Variants in ADCY1 observed in about 807,000 individuals in gnomAD.
The protein encoded by ADCY1 is adenylate cyclase type 1.
ADCY1 carries 28 observed loss-of-function variants against 105.4 expected under a neutral mutation model. The ratio of observed to expected loss-of-function variants is 0.27; its 90% CI spans 0.20 to 0.36. The LOEUF (loss-of-function observed/expected upper bound fraction) is 0.36. Among genes scored for constraint, ADCY1 ranks in the 10% least tolerant of loss-of-function variants. The probability of loss-of-function intolerance (pLI) is 1.00; values close to 1 mark genes in which losing one functional copy is unlikely to be tolerated. For missense variants in ADCY1, 977 were observed against 1,434.2 expected, an observed-to-expected ratio of 0.68 and a Z score of 5.15; for synonymous variants, 655 against 623.8, an observed-to-expected ratio of 1.05 and a Z score of -0.75.
chr7:45,685,319 A>G (rs1784644590), intron 12 of ADCY1, among the ~76,000 whole-genome samples: 1 of 152,238 alleles, frequency 6.6e-6, no homozygotes, highest in Non-Finnish European at 1.5e-5. Context: ...GAAAAACAGG[A>G]CAGACAGGGC....
chr7:45,691,925 T>A lies in ADCY1; in HGVS notation c.2454+5252T>A, dbSNP rs966421184. Reference sequence around the variant, plus strand: ...TGTCTCTCAGGGGGTTGTGGAGGAGTTTATGTCATATAAAGCCGTGGTCAT... The same window carrying A: ...TGTCTCTCAGGGGGTTGTGGAGGAGATTATGTCATATAAAGCCGTGGTCAT... On this transcript the variant is annotated intron_variant, in intron 14 of 19. Coordinates refer to ENST00000297323, the MANE Select transcript of ADCY1 (RefSeq NM_021116.4). Among the ~76,000 whole-genome samples the A allele has an allele frequency of 3.9e-5, 6 of 152,054 alleles. No homozygotes were observed. The South Asian group carries it at 1.3e-3, about 32-fold the overall frequency.
chr7:45,623,099 A>G (rs754167851), intron 4 of ADCY1, among the ~76,000 whole-genome samples: 7 of 152,156 alleles, frequency 4.6e-5, no homozygotes, highest in Non-Finnish European at 7.4e-5. Context: ...TGGTGTTGCA[A>G]TCCCTCGTTC....
chr7:45,678,194 C>G lies in ADCY1; in HGVS notation c.1829C>G (p.Thr610Ser). The change falls in exon 10 of 20, where the codon ACC becomes AGC. Residue 610 changes from threonine (T) to serine (S), a missense_variant. Coordinates refer to ENST00000297323, the MANE Select transcript of ADCY1 (RefSeq NM_021116.4). ...KYHQLQDEYF[T>S]SAVVLTLILA... ...CACCAGCTTCAGGACGAGTATTTCA[C>G]CAGCGCCGTTGTCCTCACCCTCATC... 3.7e-6 allele frequency: 6 copies of G among 1,614,192 alleles called. No individual in the cohort carries two copies. The highest frequency in any genetic ancestry group is 5.1e-6 in the Non-Finnish European group (6 of 1,180,042).
intron 12 of ADCY1, among the ~76,000 whole-genome samples, chr7:45,685,746 G>T (rs566583129): frequency 6.6e-6 from 1 of 152,188 alleles, no homozygotes; most frequent in Non-Finnish European, 1.5e-5. Flanking sequence ...GATCCCACCT[G>T]GTCCTCCCTG....
At chr7:45,587,220 G>T (rs1792757130) in intron 1 of ADCY1, among the ~76,000 whole-genome samples, 1 of 152,158 alleles carries the variant, frequency 6.6e-6, no homozygotes, top group South Asian at 2.1e-4. Context: ...GAGGGTTGTG[G>T]GTCTGAGAGC....
intron 4 of ADCY1, among the ~76,000 whole-genome samples, chr7:45,634,743 C>T (rs575728382): frequency 2.0e-5 from 3 of 152,300 alleles, no homozygotes; most frequent in African/African-American, 7.2e-5. Context: ...ATCAGTCATA[C>T]AGTTTTGACT....
At chr7:45,654,530 G>T (rs1162320031) in intron 5 of ADCY1, among the ~76,000 whole-genome samples, 2 of 152,198 alleles carry the variant, frequency 1.3e-5, no homozygotes, top group Admixed American at 1.3e-4. Flanking sequence ...GTGCGAGAAG[G>T]GATGCCTGCT....
rs142924260 is a variant in ADCY1 at position 45,593,043 on chromosome 7, A to T, written c.789+135A>T. The T allele has an allele frequency of 4.6e-5, 59 of 1,279,298 alleles. No individual in the cohort carries two copies. In the African/African-American group the frequency reaches 7.6e-4, roughly 16 times the overall value. The allele number at this position is 1,279,298 out of a possible 1,614,324, so 79.2% of individuals were successfully genotyped here. On this transcript the variant is annotated intron_variant, in intron 2 of 19. Coordinates refer to ENST00000297323, the MANE Select transcript of ADCY1 (RefSeq NM_021116.4). ...TCCCATTGGTACATGTTGGTATTTG[A>T]GGCTGTGGAGGAGATGCCCTGAGGT...
intron 4 of ADCY1, among the ~76,000 whole-genome samples, chr7:45,623,513 G>C (rs1793965859): frequency 6.6e-6 from 1 of 152,190 alleles, no homozygotes; most frequent in Non-Finnish European, 1.5e-5. Flanking sequence ...TGTCGGGCTG[G>C]GATCTGAGCT....
chr7:45,705,065 G>A (rs2471273), intron 17 of ADCY1, among the ~76,000 whole-genome samples: 57,273 of 151,918 alleles, frequency 0.38, 12,180 homozygotes, highest in South Asian at 0.63. Context: ...TATTAAAGAA[G>A]TTGAATCAAT....
chr7:45,697,831 G>T (rs968031044), intron 14 of ADCY1, among the ~76,000 whole-genome samples: 10 of 152,210 alleles, frequency 6.6e-5, no homozygotes, highest in Non-Finnish European at 4.4e-5. Context: ...TTTCAGCTCA[G>T]AAGCTCCTTA....
rs1792318148 is a variant in ADCY1, at chr7:45,575,658, A to ACGT, written c.639+477_639+478insGTC. Among the ~76,000 whole-genome samples, 1 of 152,198 alleles carries ACGT rather than the reference A, an allele frequency of 6.6e-6. No homozygotes were observed. The highest frequency in any genetic ancestry group is 1.5e-5 in the Non-Finnish European group (1 of 68,034). ...CTGGGCTCGCCTCCCAACCCTGCGG[A>ACGT]CCCGAGGGTGGTATATGGGTGGTGG... On this transcript the variant is annotated intron_variant, in intron 1 of 19. Coordinates refer to ENST00000297323, the MANE Select transcript of ADCY1 (RefSeq NM_021116.4). This position sits in a 1 kb window ranked among gnomAD's most constrained non-coding sequence, Gnocchi z 4.7.
At chr7:45,634,858 A>G (rs1358491822) in intron 4 of ADCY1, among the ~76,000 whole-genome samples, 1 of 152,176 alleles carries the variant, frequency 6.6e-6, no homozygotes, top group Non-Finnish European at 1.5e-5. Context: ...TTGCTTTTCT[A>G]AAATTTTGTT....
In ADCY1 at chr7:45,651,869, T is replaced by C. The variant is rs183842804; in HGVS notation, c.1148+3072T>C. Among the ~76,000 whole-genome samples, 497 of 152,288 alleles carry C rather than the reference T, an allele frequency of 3.3e-3. 5 individuals carry two copies. The highest frequency in any genetic ancestry group is 0.011 in the African/African-American group (460 of 41,572). On this transcript the variant is annotated intron_variant, in intron 5 of 19. Coordinates refer to ENST00000297323, the MANE Select transcript of ADCY1 (RefSeq NM_021116.4). ...GCCCACAGAGAGGTCTGTTCCAGGCTTGGGGAATTCTGAGTGGGCAGAGGA... is the reference window on the plus strand; with the variant it reads ...GCCCACAGAGAGGTCTGTTCCAGGCCTGGGGAATTCTGAGTGGGCAGAGGA...
intron 14 of ADCY1, among the ~76,000 whole-genome samples, chr7:45,702,988 A>G (rs1403137561): frequency 6.6e-6 from 1 of 152,232 alleles, no homozygotes; most frequent in Non-Finnish European, 1.5e-5. Flanking sequence ...GAGGCATTCT[A>G]GGACAGGTGC....
chr7:45,686,539 TC>T lies in ADCY1; in HGVS notation c.2328-3del, dbSNP rs1158868907. On this transcript the variant is annotated splice_polypyrimidine_tract_variant and splice_region_variant and intron_variant, in intron 13 of 19. Coordinates refer to ENST00000297323, the MANE Select transcript of ADCY1 (RefSeq NM_021116.4). This position sits in a 1 kb window ranked among gnomAD's most constrained non-coding sequence, Gnocchi z 4.3. ...CTGACTTGGCTTTTCTTCCTCATCT[TC>T]CCCCAGGGGTGGTGCCGTCTCCGGG... The T allele has an allele frequency of 1.9e-5, 31 of 1,605,180 alleles. No individual in the cohort carries two copies. Among genetic ancestry groups the T allele is most frequent in the Non-Finnish European group, 2.5e-5 (29 of 1,174,692 alleles).
chr7:45,580,864 A>G (rs1792514858), intron 1 of ADCY1, among the ~76,000 whole-genome samples: 1 of 152,100 alleles, frequency 6.6e-6, no homozygotes, highest in South Asian at 2.1e-4. Flanking sequence ...TCCGCTTGCC[A>G]CTGTCACCAC....
intron 2 of ADCY1, among the ~76,000 whole-genome samples, chr7:45,608,018 T>TA (rs1793428076): frequency 6.6e-6 from 1 of 152,256 alleles, no homozygotes; most frequent in Admixed American, 6.5e-5. Flanking sequence ...ATCTCCAAAT[T>TA]ACTTTCCACA....
At chr7:45,584,410 C>T (rs555740388) in intron 1 of ADCY1, among the ~76,000 whole-genome samples, 9 of 152,302 alleles carry the variant, frequency 5.9e-5, no homozygotes, top group Admixed American at 2.0e-4. Flanking sequence ...ATCACATGTC[C>T]GAGTGTGGAG....
Sources: gnomAD v4.1 joint callset for allele counts (sites outside exome capture counted in the v4.1 genomes callset) on GRCh38, gnomAD v4.1.1 for gene constraint, Gnocchi (gnomAD v3.1) non-coding constraint, MANE v1.5 for transcripts, NCBI Gene and HGNC (gene_info 2026-07-23, HGNC 2026-07-21) for gene names.